Variants in MAST2 observed in about 807,000 individuals in gnomAD.
The protein encoded by MAST2 is microtubule-associated serine/threonine-protein kinase 2.
MAST2 carries 70 observed loss-of-function variants against 147.4 expected under a neutral mutation model. The ratio of observed to expected loss-of-function variants is 0.47; its 90% CI spans 0.39 to 0.58. The LOEUF is 0.58. Ranked by LOEUF, MAST2 falls within the 20% of genes least tolerant of loss-of-function variation. The pLI is 0.00. For missense variants in MAST2, 2,080 were observed against 2,302.3 expected, an observed-to-expected ratio of 0.90 and a Z score of 1.98; for synonymous variants, 869 against 896.8, an observed-to-expected ratio of 0.97 and a Z score of 0.55.
chr1:45,888,716 C>T (rs192644069), intron 4 of MAST2, among the ~76,000 whole-genome samples: 16 of 98,280 alleles, frequency 1.6e-4, no homozygotes, highest in African/African-American at 6.0e-4. Context: ...GAGTCTTGCT[C>T]TCTCGCCCAG....
rs1188274479 is a variant in MAST2 at position 45,911,920 on chromosome 1, T to G, written c.500+29525T>G. Among the ~76,000 whole-genome samples the G allele has an allele frequency of 6.0e-5, 9 of 149,374 alleles. 1 individual carries two copies. In the Admixed American group the frequency reaches 6.0e-4, roughly 10 times the overall value. The stretch of plus-strand genomic sequence containing the variant: ...TTATTATGTAGCCTGGTCTCGGGTA[T>G]TAGAGAATTGGAGAATATTGAGTAG... On this transcript the variant is annotated intron_variant, in intron 4 of 28. Coordinates refer to ENST00000361297, the MANE Select transcript of MAST2 (RefSeq NM_015112.3).
chr1:45,948,909 T>A (rs1658515991), intron 4 of MAST2, among the ~76,000 whole-genome samples: 2 of 149,400 alleles, frequency 1.3e-5, no homozygotes, highest in Admixed American at 6.7e-5. Flanking sequence ...AAATCAGGGG[T>A]TTTAAAATCG....
At chr1:45,958,449 A>T (rs1345072179) in intron 4 of MAST2, among the ~76,000 whole-genome samples, 3 of 150,948 alleles carry the variant, frequency 2.0e-5, no homozygotes, top group African/African-American at 4.9e-5. Context: ...ATCAGACTTC[A>T]CTTCCCTAGT....
intron 1 of MAST2, among the ~76,000 whole-genome samples, chr1:45,824,083 A>G (rs1331813464): frequency 5.9e-5 from 9 of 152,192 alleles, no homozygotes; most frequent in Admixed American, 5.2e-4. Context: ...AAACTAAAAT[A>G]TGCTTTTCTT....
intron 17 of MAST2, among the ~76,000 whole-genome samples, chr1:46,028,408 A>ACATTT (rs1314561721): frequency 6.6e-6 from 1 of 152,076 alleles, no homozygotes; most frequent in Non-Finnish European, 1.5e-5. Flanking sequence ...CCCTGGTTTG[A>ACATTT]CATTTCAGGT....
intron 4 of MAST2, among the ~76,000 whole-genome samples, chr1:45,918,915 A>G (rs991380952): frequency 1.3e-5 from 2 of 151,982 alleles, no homozygotes; most frequent in African/African-American, 4.8e-5. Context: ...GACCACTCAC[A>G]AGTTCGAGAC....
Position 46,024,035 on chromosome 1 carries a change from C to T in MAST2, c.1780+55C>T, listed in dbSNP as rs1168351468. 1.9e-6 allele frequency: 3 copies of T among 1,552,972 alleles called. No homozygotes were observed. In the African/African-American group the frequency reaches 4.1e-5, roughly 21 times the overall value. ...GGCCAAGGCACAGTCTGAGACTTAG[C>T]CTTAAACAGGGACCAGCAGCTTTGT... On this transcript the variant is annotated intron_variant, in intron 15 of 28. Transcript: ENST00000361297.
At chr1:46,007,693 A>G (rs1645542918) in intron 8 of MAST2, among the ~76,000 whole-genome samples, 1 of 152,204 alleles carries the variant, frequency 6.6e-6, no homozygotes, top group Admixed American at 6.5e-5. Flanking sequence ...TTAAGGAGAT[A>G]CAATGACACA....
At chr1:45,905,947 C>T (rs2148526487) in intron 4 of MAST2, among the ~76,000 whole-genome samples, 1 of 152,232 alleles carries the variant, frequency 6.6e-6, no homozygotes, top group African/African-American at 2.4e-5. Flanking sequence ...TGGCCCACGT[C>T]CACATCAAAA....
intron 5 of MAST2, among the ~76,000 whole-genome samples, chr1:45,971,576 G>A (rs1377671475): frequency 6.6e-6 from 1 of 152,192 alleles, no homozygotes; most frequent in Non-Finnish European, 1.5e-5. Flanking sequence ...TGTTCTTTCT[G>A]CAGTGTGCCT....
chr1:45,991,841 T>C (rs1341878379), intron 5 of MAST2, among the ~76,000 whole-genome samples: 2 of 152,228 alleles, frequency 1.3e-5, no homozygotes, highest in Non-Finnish European at 2.9e-5. Flanking sequence ...TCCTTCCCAA[T>C]GTATTTACCT....
At chr1:45,895,704 T>C (rs551430697) in intron 4 of MAST2, among the ~76,000 whole-genome samples, 2 of 152,266 alleles carry the variant, frequency 1.3e-5, no homozygotes, top group African/African-American at 4.8e-5. Flanking sequence ...CATCCAGATA[T>C]AAAATGAAAA....
chr1:45,974,149 T>C (rs1644039695), intron 5 of MAST2, among the ~76,000 whole-genome samples: 1 of 152,118 alleles, frequency 6.6e-6, no homozygotes, highest in African/African-American at 2.4e-5. Context: ...TGTCCTTCTA[T>C]AGTTGAGAGG....
chr1:45,921,578 G>C (rs1247832344), intron 4 of MAST2, among the ~76,000 whole-genome samples: 1 of 152,190 alleles, frequency 6.6e-6, no homozygotes, highest in East Asian at 1.9e-4. Flanking sequence ...AGGGCAGCTA[G>C]CTCCAAGGGC....
At chr1:45,979,928 AAAT>A (rs1644330717) in intron 5 of MAST2, among the ~76,000 whole-genome samples, 1 of 152,216 alleles carries the variant, frequency 6.6e-6, no homozygotes, top group Non-Finnish European at 1.5e-5. Context: ...CAGGAACAGA[AAAT>A]AAAATACTGC....
chr1:45,990,822 A>G (rs1054266226), intron 5 of MAST2, among the ~76,000 whole-genome samples: 6 of 151,970 alleles, frequency 3.9e-5, no homozygotes, highest in Non-Finnish European at 7.4e-5. Context: ...CTCCTAGTCT[A>G]TGGTCTGTCT....
chr1:45,972,265 T>G lies in MAST2; in HGVS notation c.592+12788T>G, dbSNP rs115202780. ...GATACAACAAGATCAGAGTCTGTGA[T>G]GTGCACCAGTGGCAAAGATCCCATT... On this transcript the variant is annotated intron_variant, in intron 5 of 28. Transcript: ENST00000361297. 3.0e-3 allele frequency among the ~76,000 whole-genome samples: 452 copies of G among 152,362 alleles called. 3 individuals carry two copies. Among genetic ancestry groups the G allele is most frequent in the African/African-American group, 0.01 (435 of 41,590 alleles).
chr1:45,918,468 C>T (rs1020845786), intron 4 of MAST2, among the ~76,000 whole-genome samples: 1 of 152,144 alleles, frequency 6.6e-6, no homozygotes, highest in East Asian at 1.9e-4. Flanking sequence ...GATAGAGTTT[C>T]GCTCTTGTCA....
chr1:45,977,563 G>A (rs1644219241), intron 5 of MAST2, among the ~76,000 whole-genome samples: 1 of 152,036 alleles, frequency 6.6e-6, no homozygotes, highest in Admixed American at 6.6e-5. Context: ...ACTTTGGGAG[G>A]CCGAGGCGGG....
Sources: gnomAD v4.1 joint callset for allele counts (sites outside exome capture counted in the v4.1 genomes callset) on GRCh38, gnomAD v4.1.1 for gene constraint, MANE v1.5 for transcripts, NCBI Gene and HGNC (gene_info 2026-07-23, HGNC 2026-07-21) for gene names.